CAB39L: variants seen among roughly 807,000 people sequenced by gnomAD.
The protein encoded by CAB39L is calcium binding protein 39 like.
Under a neutral mutation model 39.1 loss-of-function variants are expected in CAB39L, and 23 were observed. That is an observed-to-expected ratio of 0.59 (90% CI 0.42 to 0.83). The LOEUF (loss-of-function observed/expected upper bound fraction) is 0.83, where lower values mean the gene tolerates loss of function less well. Among genes scored for constraint, CAB39L ranks in the 40% least tolerant of loss-of-function variants. The probability of loss-of-function intolerance (pLI) is 0.00; values close to 1 mark genes in which losing one functional copy is unlikely to be tolerated. For missense variants in CAB39L, 366 were observed against 391.9 expected, an observed-to-expected ratio of 0.93 and a Z score of 0.56; for synonymous variants, 126 against 137.2, an observed-to-expected ratio of 0.92 and a Z score of 0.57.
intron 4 of CAB39L, among the ~76,000 whole-genome samples, chr13:49,377,853 A>C (rs1470499896): frequency 1.8e-4 from 12 of 65,580 alleles, no homozygotes; most frequent in East Asian, 5.7e-4. Flanking sequence ...CTGGCTGCCC[A>C]GTCTGGAAAG....
At chr13:49,333,576 T>TC (rs1213089789) in intron 9 of CAB39L, among the ~76,000 whole-genome samples, 31 of 135,364 alleles carry the variant, frequency 2.3e-4, no homozygotes, top group Non-Finnish European at 5.2e-4. Flanking sequence ...TTCTTTTTTT[T>TC]TTTTTTTTTT....
chr13:49,361,477 C>CAAAAAAAAAAAAAA lies in CAB39L; in HGVS notation c.277-1659_277-1646dup, dbSNP rs33984866. Among the ~76,000 whole-genome samples the CAAAAAAAAAAAAAA allele has an allele frequency of 5.9e-4, 32 of 54,450 alleles. 1 individual carries two copies. Among genetic ancestry groups the CAAAAAAAAAAAAAA allele is most frequent in the Non-Finnish European group, 6.7e-4 (22 of 32,878 alleles). The allele number at this position is 54,450 out of a possible 152,430, so 35.7% of individuals were successfully genotyped here. ...CAGGCAATGGAGCAAGACTTCATCT[C>CAAAAAAAAAAAAAA]AAAAAAAAAAAAAAAAAAAAAAAGA... is the stretch of plus-strand genomic sequence containing the variant. On this transcript the variant is annotated intron_variant, in intron 5 of 10. Transcript: ENST00000409308.
intron 5 of CAB39L, among the ~76,000 whole-genome samples, chr13:49,371,453 G>A (rs750403915): frequency 5.3e-5 from 8 of 152,158 alleles, no homozygotes; most frequent in South Asian, 2.1e-4. Context: ...GATTACAGAC[G>A]TAAGCCACCA....
At chr13:49,334,259 A>C (rs1954791768) in intron 9 of CAB39L, among the ~76,000 whole-genome samples, 1 of 152,222 alleles carries the variant, frequency 6.6e-6, no homozygotes, top group African/African-American at 2.4e-5. Context: ...TCTTCCAAAA[A>C]TCAGTATTTG....
chr13:49,380,215 T>G (rs1956223815), intron 4 of CAB39L, among the ~76,000 whole-genome samples: 1 of 152,188 alleles, frequency 6.6e-6, no homozygotes, highest in Non-Finnish European at 1.5e-5. Context: ...AAAATTAAAT[T>G]GATTCCATTT....
chr13:49,333,624 T>A (rs1954771499), intron 9 of CAB39L, among the ~76,000 whole-genome samples: 1 of 142,166 alleles, frequency 7.0e-6, no homozygotes, highest in Admixed American at 7.5e-5. Context: ...CAGGCTGGAG[T>A]GCAGTGGCGC....
At chr13:49,331,608 G>A (rs1308641962) in intron 10 of CAB39L, among the ~76,000 whole-genome samples, 1 of 152,114 alleles carries the variant, frequency 6.6e-6, no homozygotes, top group Non-Finnish European at 1.5e-5. Flanking sequence ...TTTAAAGTTC[G>A]AAGAGACAGT....
At position 49,350,740 on chromosome 13, in the gene CAB39L, T is replaced by A. The variant is rs768884744; in HGVS notation, c.564+4A>T. On this transcript the variant is annotated splice_donor_region_variant and intron_variant, in intron 7 of 10. Coordinates refer to ENST00000409308, the MANE Select transcript of CAB39L (RefSeq NM_001079670.3). ...ACCTAGCTGAGTTGGAAAAAAAAAA[T>A]TACCTTGAAAGTAGCAAAGGCATCT... 3.9e-6 allele frequency: 6 copies of A among 1,521,798 alleles called. No individual in the cohort carries two copies. Among genetic ancestry groups the A allele is most frequent in the South Asian group, 1.3e-5 (1 of 77,280 alleles). 94.3% of individuals were successfully genotyped at this position (1,521,798 alleles called of 1,614,324 possible).
intron 2 of CAB39L, among the ~76,000 whole-genome samples, chr13:49,433,760 C>T (rs1317754572): frequency 3.3e-5 from 5 of 152,272 alleles, no homozygotes; most frequent in African/African-American, 1.2e-4. Context: ...TACAAAAAGG[C>T]TGTGGGAAGG....
At chr13:49,316,144 C>T (rs1414165089) in intron 10 of CAB39L, among the ~76,000 whole-genome samples, 1 of 151,982 alleles carries the variant, frequency 6.6e-6, no homozygotes, top group African/African-American at 2.4e-5. Context: ...AAAGAAGACT[C>T]AAATGCTAAA....
intron 3 of CAB39L, among the ~76,000 whole-genome samples, chr13:49,396,468 CG>C (rs891341998): frequency 1.2e-4 from 19 of 152,030 alleles, no homozygotes; most frequent in African/African-American, 4.3e-4. Flanking sequence ...CAGCACTTTG[CG>C]GGGCTAAGGT....
At chr13:49,331,306 T>C (rs918149857) in intron 10 of CAB39L, among the ~76,000 whole-genome samples, 2 of 147,846 alleles carry the variant, frequency 1.4e-5, no homozygotes, top group African/African-American at 5.0e-5. Context: ...TTACTAAAAA[T>C]AAAAAAAAAA....
chr13:49,401,230 G>C (rs1292631801), intron 3 of CAB39L: 2 of 152,192 alleles, frequency 1.3e-5, no homozygotes, highest in African/African-American at 2.4e-5. Flanking sequence ...AAGCACTTTA[G>C]ATGAAGTAGC....
intron 6 of CAB39L, 51 bp downstream of exon 6, chr13:49,359,663 T>C: frequency 3.2e-6 from 3 of 937,710 alleles, no homozygotes; most frequent in South Asian, 2.9e-5. Context: ...CTATGCACTT[T>C]TAACAACTAT....
chr13:49,369,343 C>G (rs1247595453), intron 5 of CAB39L, among the ~76,000 whole-genome samples: 1 of 152,192 alleles, frequency 6.6e-6, no homozygotes, highest in Non-Finnish European at 1.5e-5. Flanking sequence ...GATAAATGAT[C>G]TGTGGTCCAT....
intron 3 of CAB39L, among the ~76,000 whole-genome samples, chr13:49,417,988 G>A (rs1469393050): frequency 2.6e-5 from 4 of 152,086 alleles, no homozygotes; most frequent in African/African-American, 7.2e-5. Flanking sequence ...TTAGAAGCAG[G>A]TCAATAGTTC....
At chr13:49,397,039 T>G (rs914829079) in intron 3 of CAB39L, among the ~76,000 whole-genome samples, 1 of 152,210 alleles carries the variant, frequency 6.6e-6, no homozygotes, top group Middle Eastern at 3.2e-3. Context: ...TTCACAGAGA[T>G]GGTTAAGTTA....
At chr13:49,436,339 G>A (rs1470163189) in intron 1 of CAB39L, among the ~76,000 whole-genome samples, 1 of 152,180 alleles carries the variant, frequency 6.6e-6, no homozygotes, top group African/African-American at 2.4e-5. Flanking sequence ...TTCATGGATT[G>A]AAACTTAACT....
chr13:49,378,677 C>T (rs1480591547), intron 4 of CAB39L, among the ~76,000 whole-genome samples: 10 of 59,792 alleles, frequency 1.7e-4, no homozygotes, highest in African/African-American at 7.6e-4. Flanking sequence ...GTGAGGAGCC[C>T]CTCTGCCCAG....
Sources: gnomAD v4.1 joint callset for allele counts (sites outside exome capture counted in the v4.1 genomes callset) on GRCh38, gnomAD v4.1.1 for gene constraint, MANE v1.5 for transcripts, NCBI Gene and HGNC (gene_info 2026-07-23, HGNC 2026-07-21) for gene names.